The following BRINP2 variants were observed in gnomAD, a reference collection of about 807,000 sequenced individuals.
BRINP2 encodes BMP/retinoic acid inducible neural specific 2.
In BRINP2, 21 loss-of-function variants were observed where a neutral mutation model predicts 69.2. The ratio of observed to expected loss-of-function variants is 0.30; its 90% CI spans 0.22 to 0.44. BRINP2 has a LOEUF of 0.44. Ranked by LOEUF, BRINP2 falls within the 20% of genes least tolerant of loss-of-function variation. The pLI, the probability that BRINP2 is intolerant of heterozygous loss-of-function variation, is 1.00. For missense variants in BRINP2, 877 were observed against 986.0 expected, an observed-to-expected ratio of 0.89 and a Z score of 1.48; for synonymous variants, 380 against 394.1, an observed-to-expected ratio of 0.96 and a Z score of 0.42.
chr1:177,217,474 AT>A lies in BRINP2; in HGVS notation c.-76-12318del, dbSNP rs536967585. ...AACATTTTTAAGAGGATTATTCTGAATTTTTTTTTCTGTCCTTTTATCGATA... is the reference window on the plus strand; with the variant it reads ...AACATTTTTAAGAGGATTATTCTGAATTTTTTTTCTGTCCTTTTATCGATA... On this transcript the variant is annotated intron_variant, in intron 1 of 7. Transcript: ENST00000361539. Among the ~76,000 whole-genome samples the A allele has an allele frequency of 1.2e-4, 18 of 151,494 alleles. No homozygotes were observed. In the East Asian group the frequency reaches 2.9e-3, roughly 25 times the overall value.
intron 2 of BRINP2, among the ~76,000 whole-genome samples, chr1:177,232,042 A>T (rs1649874324): frequency 6.6e-6 from 1 of 152,242 alleles, no homozygotes; most frequent in Admixed American, 6.5e-5. Context: ...CCTCCAGTCC[A>T]GTAAAATAAG....
At chr1:177,269,128 A>T (rs1019407256) in intron 4 of BRINP2, among the ~76,000 whole-genome samples, 1 of 152,130 alleles carries the variant, frequency 6.6e-6, no homozygotes, top group Non-Finnish European at 1.5e-5. Flanking sequence ...TTTCCTTTTG[A>T]TGGTAACCAA....
At chr1:177,248,234 A>C (rs1370511711) in intron 2 of BRINP2, among the ~76,000 whole-genome samples, 2 of 152,114 alleles carry the variant, frequency 1.3e-5, no homozygotes, top group Admixed American at 6.6e-5. Context: ...ATTTTTTTTC[A>C]GATTTTAGAA....
chr1:177,256,423 C>A, intron 3 of BRINP2: 1 of 985,424 alleles, frequency 1.0e-6, no homozygotes, highest in Non-Finnish European at 1.2e-6. Flanking sequence ...TGAGGCTTCG[C>A]CACTTTCTAA....
chr1:177,219,115 G>A (rs566442), intron 1 of BRINP2, among the ~76,000 whole-genome samples: 137,716 of 152,256 alleles, frequency 0.9, 62,648 homozygotes, highest in East Asian at 1. Context: ...CTTGCAAACT[G>A]CCAGTGAGCC....
At chr1:177,236,981 A>G (rs549234890) in intron 2 of BRINP2, among the ~76,000 whole-genome samples, 3 of 152,178 alleles carry the variant, frequency 2.0e-5, no homozygotes, top group Non-Finnish European at 4.4e-5. Flanking sequence ...GGGGTAAGTA[A>G]AATGAAGTAA....
intron 1 of BRINP2, among the ~76,000 whole-genome samples, chr1:177,211,268 T>C (rs1468758322): frequency 6.6e-6 from 1 of 152,142 alleles, no homozygotes; most frequent in Non-Finnish European, 1.5e-5. Context: ...ATAACTTTAT[T>C]TTTTTCATTT....
At chr1:177,217,511 A>G (rs376398608) in intron 1 of BRINP2, among the ~76,000 whole-genome samples, 301 of 152,194 alleles carry the variant, frequency 2.0e-3, no homozygotes, top group African/African-American at 6.9e-3. Flanking sequence ...TCTTTGTCCT[A>G]AGAGTCTATT....
rs367628989 is a variant in BRINP2, at chr1:177,229,841, G to C, written c.-36G>C. 5.8e-6 allele frequency: 9 copies of C among 1,546,788 alleles called. No individual in the cohort carries two copies. The East Asian group carries it at 2.0e-4, about 35-fold the overall frequency. ...GAGCAGCACGGAGCGGGAGAGCGTG[G>C]CGAGAGAATGAAGAAACCAATCGCC... On this transcript the variant is annotated 5_prime_UTR_variant, in exon 2 of 8. Transcript: ENST00000361539.
chr1:177,278,497 C>T (rs2102364413), intron 6 of BRINP2, 66 bp from the exon 7 acceptor site: 1 of 1,454,918 alleles, frequency 6.9e-7, no homozygotes, highest in East Asian at 2.3e-5. Context: ...TGGGCAGCGT[C>T]CACTTGCCCC....
In BRINP2 at chr1:177,280,336, G is replaced by A. The variant is rs183482301; in HGVS notation, c.1236-76G>A. The A allele has an allele frequency of 2.1e-6, 3 of 1,405,304 alleles. No homozygotes were observed. In the Admixed American group the frequency reaches 6.7e-5, roughly 31 times the overall value. 87.1% of individuals were successfully genotyped at this position (1,405,304 alleles called of 1,614,324 possible). A position where few individuals can be genotyped will look rare whatever the true frequency, so the allele number is the denominator to read the frequency against. On this transcript the variant is annotated intron_variant, in intron 7 of 7. Coordinates refer to ENST00000361539, the MANE Select transcript of BRINP2 (RefSeq NM_021165.4). ...TTGCCTTCCACGCCTAGTGGTCAAT[G>A]TCTTGCTGCCCTTAAGAAGGGTGTC...
chr1:177,244,200 T>C (rs1650301823), intron 2 of BRINP2, among the ~76,000 whole-genome samples: 1 of 152,220 alleles, frequency 6.6e-6, no homozygotes, highest in Non-Finnish European at 1.5e-5. Context: ...TATGGGATAC[T>C]GGCTGATGAT....
At position 177,281,545 on chromosome 1, in the gene BRINP2, G is replaced by A. The variant is rs1420263340; in HGVS notation, c.*17G>A. 1.9e-6 allele frequency: 3 copies of A among 1,576,640 alleles called. No homozygotes were observed. Among genetic ancestry groups the A allele is most frequent in the Non-Finnish European group, 2.6e-6 (3 of 1,167,184 alleles). On this transcript the variant is annotated 3_prime_UTR_variant, in exon 8 of 8. Coordinates refer to ENST00000361539, the MANE Select transcript of BRINP2 (RefSeq NM_021165.4). ...TGTAGCTAATGGGCGGCCCACTTCA[G>A]CACTGGGCAAGGAGGGGATCCATGA...
Position 177,181,896 on chromosome 1 carries a change from A to G in BRINP2, c.-77+10164A>G, listed in dbSNP as rs544764502. 3.0e-3 allele frequency among the ~76,000 whole-genome samples: 458 copies of G among 152,320 alleles called. 1 individual carries two copies. Among genetic ancestry groups the G allele is most frequent in the African/African-American group, 8.3e-3 (347 of 41,582 alleles). On this transcript the variant is annotated intron_variant, in intron 1 of 7. Transcript: ENST00000361539. ...CTGTGTTACAAGCCCCCGGCCGCAG[A>G]GGCGCAGGCGGGATTCTTGCCCCGG...
At position 177,257,173 on chromosome 1, in the gene BRINP2, TAGG is replaced by T; in HGVS notation, c.461_463del (p.Gly154del). 4 of 1,613,866 alleles carry T rather than the reference TAGG, an allele frequency of 2.5e-6. No individual in the cohort carries two copies. Among genetic ancestry groups the T allele is most frequent in the Non-Finnish European group, 3.4e-6 (4 of 1,179,906 alleles). ...ACCAATACACTCGTGTTGTTCACCA[TAGG>T]AGAAGAGTCCCTGACCATTTTTGTG... is the stretch of plus-strand genomic sequence containing the variant. On this transcript the variant is annotated splice_acceptor_variant and coding_sequence_variant, in exon 4 of 8. Transcript: ENST00000361539. LOFTEE classifies it high-confidence loss of function.
chr1:177,205,101 G>T (rs549165452), intron 1 of BRINP2, among the ~76,000 whole-genome samples: 5 of 152,012 alleles, frequency 3.3e-5, no homozygotes, highest in Non-Finnish European at 7.4e-5. Flanking sequence ...AACGTGTGGG[G>T]GAAGTGTCAA....
intron 1 of BRINP2, among the ~76,000 whole-genome samples, chr1:177,192,877 C>G (rs1160257867): frequency 6.6e-6 from 1 of 152,146 alleles, no homozygotes; most frequent in African/African-American, 2.4e-5. Flanking sequence ...GCCAATATCT[C>G]AAATAACTAA....
intron 2 of BRINP2, among the ~76,000 whole-genome samples, chr1:177,254,610 T>A (rs1650694437): frequency 6.6e-6 from 1 of 152,136 alleles, no homozygotes; most frequent in Non-Finnish European, 1.5e-5. Flanking sequence ...TAGCCACTTT[T>A]TTCATGGAAC....
intron 1 of BRINP2, among the ~76,000 whole-genome samples, chr1:177,227,540 G>C (rs1015913406): frequency 1.3e-5 from 2 of 151,812 alleles, no homozygotes; most frequent in Non-Finnish European, 2.9e-5. Flanking sequence ...ATCCTCATCA[G>C]ATTGCATCCA....
Sources: gnomAD v4.1 joint callset for allele counts (sites outside exome capture counted in the v4.1 genomes callset) on GRCh38, gnomAD v4.1.1 for gene constraint, MANE v1.5 for transcripts, NCBI Gene and HGNC (gene_info 2026-07-23, HGNC 2026-07-21) for gene names.